GALNT5: variants seen among roughly 807,000 people sequenced by gnomAD.
GALNT5 encodes the protein UDP-GalNAc:polypeptide N-acetylgalactosaminyltransferase 5.
GALNT5 carries 72 observed loss-of-function variants against 85.4 expected under a neutral mutation model. That is an observed-to-expected ratio of 0.84 (90% CI 0.70 to 1.03). GALNT5 has a LOEUF of 1.03. Ranked by LOEUF, GALNT5 falls within the 50% of genes least tolerant of loss-of-function variation. The pLI, the probability that GALNT5 is intolerant of heterozygous loss-of-function variation, is 0.00. For missense variants in GALNT5, 1,137 were observed against 1,135.5 expected (o/e 1.00, Z -0.02); for synonymous variants, 404 against 397.0 (o/e 1.02, Z -0.21).
In GALNT5 at chr2:157,318,166, T is replaced by C. The variant is rs1683761262; in HGVS notation, c.*6818T>C. Among the ~76,000 whole-genome samples the C allele has an allele frequency of 1.3e-5, 2 of 152,182 alleles. No individual in the cohort carries two copies. Among genetic ancestry groups the C allele is most frequent in the Admixed American group, 1.3e-4 (2 of 15,268 alleles). ...TTCTCCATAATTCTCTATTATTACT[T>C]ATTTTAAATGTTTTCCCTATCACAT... On this transcript the variant is annotated 3_prime_UTR_variant, in exon 10 of 10. Transcript: ENST00000259056.
intron 1 of GALNT5, among the ~76,000 whole-genome samples, chr2:157,265,222 G>A (rs1053098623): frequency 2.6e-5 from 4 of 152,176 alleles, no homozygotes; most frequent in East Asian, 3.8e-4. Context: ...ACATAAAAAG[G>A]AAAACTTGTT....
At chr2:157,261,803 G>A (rs2105143113) in intron 1 of GALNT5, among the ~76,000 whole-genome samples, 1 of 152,232 alleles carries the variant, frequency 6.6e-6, no homozygotes, top group Admixed American at 6.5e-5. Context: ...AGTTTGGCAA[G>A]ATTTGGAGTG....
At chr2:157,262,881 G>A (rs372129524) in intron 1 of GALNT5, among the ~76,000 whole-genome samples, 4 of 138,512 alleles carry the variant, frequency 2.9e-5, no homozygotes, top group South Asian at 2.4e-4. Flanking sequence ...CAGGCTGAGC[G>A]CAGTGGTGCG....
intron 1 of GALNT5, among the ~76,000 whole-genome samples, chr2:157,260,948 T>C (rs975425623): frequency 1.3e-5 from 2 of 152,222 alleles, no homozygotes; most frequent in African/African-American, 2.4e-5. Context: ...CCTGGGATGC[T>C]AGATTGCCTG....
chr2:157,306,675 A>G (rs1039100102), intron 8 of GALNT5, among the ~76,000 whole-genome samples: 10 of 152,230 alleles, frequency 6.6e-5, no homozygotes, highest in African/African-American at 1.7e-4. Context: ...TTATTTTGCA[A>G]TGGTAATCTA....
At chr2:157,297,831 C>T (rs73968403) in intron 5 of GALNT5, among the ~76,000 whole-genome samples, 13,581 of 152,078 alleles carry the variant, frequency 0.089, 1,654 homozygotes, top group African/African-American at 0.28. Flanking sequence ...CCAGTCTTGG[C>T]TAACTGCTGA....
At chr2:157,302,234 C>T (rs1166408478) in intron 7 of GALNT5, 4 of 152,154 alleles carry the variant, frequency 2.6e-5, no homozygotes, top group African/African-American at 9.7e-5. Context: ...TTATACCATG[C>T]TTTCTGTCTG....
intron 4 of GALNT5, 78 bp downstream of exon 4, chr2:157,295,876 T>A: frequency 9.8e-7 from 1 of 1,021,708 alleles, no homozygotes; most frequent in Non-Finnish European, 1.5e-6. Flanking sequence ...AGTATATGCC[T>A]AATATGTGTG....
intron 1 of GALNT5, among the ~76,000 whole-genome samples, chr2:157,282,298 CCAAT>C (rs142802539): frequency 0.012 from 1,759 of 152,094 alleles, 36 homozygotes; most frequent in African/African-American, 0.04. Context: ...CTTAAACTCA[CCAAT>C]CAATGATTTG....
rs140503891 is a variant in GALNT5, at chr2:157,268,305, A to G, written c.1454+8769A>G. 7.2e-5 allele frequency among the ~76,000 whole-genome samples: 11 copies of G among 152,332 alleles called. No homozygotes were observed. In the South Asian group the frequency reaches 1.2e-3, roughly 17 times the overall value. On this transcript the variant is annotated intron_variant, in intron 1 of 9. Transcript: ENST00000259056. ...TAGTGGCTCAGCATTCAGCACACAG[A>G]AGCCAGGAGGGTGGGACGCATCACT...
At chr2:157,272,064 G>A (rs1161804437) in intron 1 of GALNT5, among the ~76,000 whole-genome samples, 1 of 152,074 alleles carries the variant, frequency 6.6e-6, no homozygotes, top group Non-Finnish European at 1.5e-5. Context: ...ATAGAGAGTG[G>A]CCAAAGGAAA....
At chr2:157,289,579 A>C (rs1350079605) in intron 3 of GALNT5, among the ~76,000 whole-genome samples, 2 of 152,170 alleles carry the variant, frequency 1.3e-5, no homozygotes, top group Non-Finnish European at 2.9e-5. Context: ...TACAGCTCTC[A>C]GTTTGAAAAA....
chr2:157,276,320 A>G (rs193037900), intron 1 of GALNT5, among the ~76,000 whole-genome samples: 1 of 152,302 alleles, frequency 6.6e-6, no homozygotes, highest in East Asian at 1.9e-4. Flanking sequence ...TTTTGGTATC[A>G]GGATGATGCT....
At chr2:157,307,573 G>A (rs780424614) in intron 8 of GALNT5, among the ~76,000 whole-genome samples, 1 of 152,144 alleles carries the variant, frequency 6.6e-6, no homozygotes, top group Non-Finnish European at 1.5e-5. Context: ...TGAATCAGTA[G>A]GTCGGTGATG....
chr2:157,293,814 T>A (rs1300847105), intron 3 of GALNT5, among the ~76,000 whole-genome samples: 2 of 152,250 alleles, frequency 1.3e-5, no homozygotes, highest in Admixed American at 6.5e-5. Context: ...ACTATCCTCA[T>A]CTTGTTCTCT....
intron 6 of GALNT5, among the ~76,000 whole-genome samples, 196 bp downstream of exon 6, chr2:157,299,861 G>A (rs1297917696): frequency 5.9e-5 from 9 of 152,092 alleles, no homozygotes; most frequent in African/African-American, 2.2e-4. Context: ...AAATTTATTA[G>A]CATTCCCTAA....
At position 157,311,255 on chromosome 2, in the gene GALNT5, AG is replaced by A; in HGVS notation, c.2732del (p.Gly911GlufsTer8). On this transcript the variant is annotated frameshift_variant, in exon 10 of 10. Coordinates refer to ENST00000259056, the MANE Select transcript of GALNT5 (RefSeq NM_014568.3). LOFTEE classifies it high-confidence loss of function. ...ENNQQLLCLE[G>X]NFSQKILKVA... Reference sequence around the variant, plus strand: ...ACAATCAGCAATTATTATGCTTGGAAGGAAATTTTTCTCAAAAGATCCTGAA... The same window carrying A: ...ACAATCAGCAATTATTATGCTTGGAAGAAATTTTTCTCAAAAGATCCTGAA... 1.2e-6 allele frequency: 2 copies of A among 1,610,856 alleles called. No homozygotes were observed. The highest frequency in any genetic ancestry group is 8.5e-7 in the Non-Finnish European group (1 of 1,177,504).
Position 157,313,895 on chromosome 2 carries a change from A to G in GALNT5, c.*2547A>G, listed in dbSNP as rs1683634810. On this transcript the variant is annotated 3_prime_UTR_variant, in exon 10 of 10. Coordinates refer to ENST00000259056, the MANE Select transcript of GALNT5 (RefSeq NM_014568.3). ...TTTGTTCTTGGATAGAATTTTATAC[A>G]TTGCTTTTCATCATATATTTGCTCA... 6.6e-6 allele frequency: 1 copy of G among 152,166 alleles called. No individual in the cohort carries two copies. The highest frequency in any genetic ancestry group is 1.5e-5 in the Non-Finnish European group (1 of 68,028). The allele number at this position is 152,166 out of a possible 1,614,324, so 9.4% of individuals were successfully genotyped here.
chr2:157,277,183 G>A (rs1355839710), intron 1 of GALNT5, among the ~76,000 whole-genome samples: 1 of 152,190 alleles, frequency 6.6e-6, no homozygotes, highest in Non-Finnish European at 1.5e-5. Context: ...TGTGTTCTGA[G>A]AGACAGTTTG....
Sources: gnomAD v4.1 joint callset for allele counts (sites outside exome capture counted in the v4.1 genomes callset) on GRCh38, gnomAD v4.1.1 for gene constraint, MANE v1.5 for transcripts, NCBI Gene and HGNC (gene_info 2026-07-23, HGNC 2026-07-21) for gene names.